Variants in AFF1 observed in about 807,000 individuals in gnomAD.
The protein encoded by AFF1 is AF4/FMR2 family member 1.
In AFF1, 48 loss-of-function variants were observed where a neutral mutation model predicts 121.7. That is an observed-to-expected ratio of 0.39 (90% confidence interval 0.31 to 0.50). The LOEUF is 0.50. Ranked by LOEUF, AFF1 falls within the 20% of genes least tolerant of loss-of-function variation. AFF1 has a pLI of 0.76. For synonymous variants in AFF1, 613 were observed against 563.0 expected (o/e 1.09, Z -1.26); for missense variants, 1,523 against 1,511.7 (o/e 1.01, Z -0.12).
At chr4:87,072,086 G>A (rs1722120689) in intron 4 of AFF1, among the ~76,000 whole-genome samples, 1 of 152,170 alleles carries the variant, frequency 6.6e-6, no homozygotes, top group South Asian at 2.1e-4. Context: ...ATTCAGGGCT[G>A]GGCGTGGTGG....
intron 2 of AFF1, among the ~76,000 whole-genome samples, chr4:86,980,469 C>G (rs1334236782): frequency 2.0e-5 from 3 of 152,040 alleles, no homozygotes; most frequent in South Asian, 2.1e-4. Flanking sequence ...CCAGCCTGGG[C>G]ATTGTAGTGA....
chr4:87,125,225 T>C, intron 13 of AFF1, 82 bp downstream of exon 13: 1 of 971,152 alleles, frequency 1.0e-6, no homozygotes. Flanking sequence ...ATTTTTCTTC[T>C]GCACTAGAAT....
chr4:87,075,632 A>C (rs1722582624), intron 4 of AFF1, among the ~76,000 whole-genome samples: 1 of 152,194 alleles, frequency 6.6e-6, no homozygotes, highest in Non-Finnish European at 1.5e-5. Flanking sequence ...TTGCATTCTG[A>C]GAAATTTATG....
intron 2 of AFF1, among the ~76,000 whole-genome samples, chr4:86,998,128 CA>C (rs1216687327): frequency 1.1e-5 from 1 of 88,312 alleles, no homozygotes; most frequent in Non-Finnish European, 2.3e-5. Flanking sequence ...AAAAAAAAAA[CA>C]AGAAAACTGC....
At chr4:87,072,664 G>A (rs113305182) in intron 4 of AFF1, among the ~76,000 whole-genome samples, 514 of 151,954 alleles carry the variant, frequency 3.4e-3, no homozygotes, top group Non-Finnish European at 6.5e-3. Context: ...GGGATTACAC[G>A]CTTGCACCAC....
In AFF1 at chr4:87,121,143, A is replaced by G. The variant is rs115921334; in HGVS notation, c.2467-3894A>G. Among the ~76,000 whole-genome samples, 459 of 152,288 alleles carry G rather than the reference A, an allele frequency of 3.0e-3. 1 individual carries two copies. Among genetic ancestry groups the G allele is most frequent in the Non-Finnish European group, 4.5e-3 (309 of 68,022 alleles). On this transcript the variant is annotated intron_variant, in intron 12 of 20. Transcript: ENST00000395146. ...AAGGTGAGGCACCATCCTTGAGACAACTAACCTAGTAGAAAAAGAATTTCT... is the reference window on the plus strand; with the variant it reads ...AAGGTGAGGCACCATCCTTGAGACAGCTAACCTAGTAGAAAAAGAATTTCT...
chr4:87,048,582 C>G (rs1730957110), intron 4 of AFF1, among the ~76,000 whole-genome samples: 2 of 152,296 alleles, frequency 1.3e-5, no homozygotes. Context: ...TTTATGCCAT[C>G]CAGATATGTT....
chr4:87,087,170 A>G (rs139075346), intron 5 of AFF1, among the ~76,000 whole-genome samples: 136 of 152,376 alleles, frequency 8.9e-4, no homozygotes, highest in African/African-American at 3.0e-3. Context: ...CCATGATGCT[A>G]GTACAATGAG....
At chr4:86,997,260 A>G (rs116035187) in intron 2 of AFF1, among the ~76,000 whole-genome samples, 2,056 of 152,192 alleles carry the variant, frequency 0.014, 51 homozygotes, top group African/African-American at 0.047. Flanking sequence ...GCATGTTTGC[A>G]TGCTCAGCTC....
chr4:87,005,960 T>C (rs1416659860), intron 2 of AFF1, among the ~76,000 whole-genome samples: 1 of 140,322 alleles, frequency 7.1e-6, no homozygotes, highest in Non-Finnish European at 1.5e-5. Flanking sequence ...ACAATGTCTT[T>C]GTGTTATTCT....
chr4:86,999,838 G>A (rs1725542710), intron 2 of AFF1, among the ~76,000 whole-genome samples: 1 of 152,170 alleles, frequency 6.6e-6, no homozygotes, highest in South Asian at 2.1e-4. Flanking sequence ...TGGCAGTGAT[G>A]GCAGAAGGAG....
intron 5 of AFF1, among the ~76,000 whole-genome samples, chr4:87,086,511 T>A (rs1259328657): frequency 6.6e-6 from 1 of 152,222 alleles, no homozygotes; most frequent in Non-Finnish European, 1.5e-5. Context: ...CATGCCCATT[T>A]ATGATTTGGA....
At chr4:87,067,206 C>G (rs879098718) in intron 4 of AFF1, among the ~76,000 whole-genome samples, 12 of 152,084 alleles carry the variant, frequency 7.9e-5, no homozygotes. Flanking sequence ...GATGGTAAAA[C>G]AATAAAAATA....
chr4:86,964,832 GAC>G (rs1434248544), intron 2 of AFF1, among the ~76,000 whole-genome samples: 1 of 152,196 alleles, frequency 6.6e-6, no homozygotes, highest in Non-Finnish European at 1.5e-5. Context: ...CTCCTGATTA[GAC>G]ACAGACTAAT....
chr4:87,104,601 C>T (rs1725726703), intron 8 of AFF1, among the ~76,000 whole-genome samples: 1 of 152,130 alleles, frequency 6.6e-6, no homozygotes, highest in Non-Finnish European at 1.5e-5. Flanking sequence ...CATTAGAAAA[C>T]ATAGTGATTT....
chr4:86,979,724 C>CA (rs1434848109), intron 2 of AFF1, among the ~76,000 whole-genome samples: 1 of 152,036 alleles, frequency 6.6e-6, no homozygotes, highest in East Asian at 1.9e-4. Flanking sequence ...ATCGGAGTGG[C>CA]AAAAAATAAA....
chr4:86,959,721 C>T (rs1722012180), intron 2 of AFF1, among the ~76,000 whole-genome samples: 1 of 152,042 alleles, frequency 6.6e-6, no homozygotes, highest in African/African-American at 2.4e-5. Flanking sequence ...AAAGTCATTC[C>T]AGATGGGATG....
intron 2 of AFF1, among the ~76,000 whole-genome samples, chr4:86,962,591 AAT>A (rs1722229478): frequency 6.6e-6 from 1 of 152,126 alleles, no homozygotes. Context: ...TCCATTGGGC[AAT>A]ATAGGGAAAG....
At chr4:86,940,212 A>T (rs1641016122) in intron 1 of AFF1, among the ~76,000 whole-genome samples, 1 of 152,184 alleles carries the variant, frequency 6.6e-6, no homozygotes, top group African/African-American at 2.4e-5. Context: ...CAAGCTAACT[A>T]ACCTGCCACA....
Sources: gnomAD v4.1 joint callset for allele counts (sites outside exome capture counted in the v4.1 genomes callset) on GRCh38, gnomAD v4.1.1 for gene constraint, MANE v1.5 for transcripts, NCBI Gene and HGNC (gene_info 2026-07-23, HGNC 2026-07-21) for gene names.